Variants in TRPC4 observed in about 807,000 individuals in gnomAD.
TRPC4 encodes transient receptor potential cation channel subfamily C member 4.
Under a neutral mutation model 99.4 loss-of-function variants are expected in TRPC4, and 49 were observed. The ratio of observed to expected loss-of-function variants is 0.49; its 90% CI spans 0.39 to 0.63. The LOEUF (loss-of-function observed/expected upper bound fraction) is 0.63. Ranked by LOEUF, TRPC4 falls within the 20% of genes least tolerant of loss-of-function variation. TRPC4 has a pLI of 0.00. For synonymous variants in TRPC4, 454 were observed against 425.9 expected (o/e 1.07, Z -0.81); for missense variants, 898 against 1,152.9 (o/e 0.78, Z 3.20).
intron 1 of TRPC4, among the ~76,000 whole-genome samples, chr13:37,799,301 T>C (rs993746488): frequency 6.6e-6 from 1 of 152,184 alleles, no homozygotes; most frequent in Non-Finnish European, 1.5e-5. Flanking sequence ...GCAATGCATG[T>C]AGAGCCCAAC....
intron 1 of TRPC4, among the ~76,000 whole-genome samples, chr13:37,861,384 T>C (rs1021223437): frequency 4.0e-5 from 6 of 151,596 alleles, no homozygotes; most frequent in African/African-American, 1.4e-4. Context: ...CATTTTTTAA[T>C]TATATACAAT....
chr13:37,675,109 C>T (rs1281776176), intron 4 of TRPC4, among the ~76,000 whole-genome samples: 3 of 152,020 alleles, frequency 2.0e-5, no homozygotes, highest in Admixed American at 6.6e-5. Context: ...GATGTCATAA[C>T]TACATTAACA....
intron 1 of TRPC4, among the ~76,000 whole-genome samples, chr13:37,810,309 G>A (rs774891677): frequency 6.6e-6 from 1 of 151,870 alleles, no homozygotes; most frequent in Admixed American, 6.6e-5. Flanking sequence ...TTGAAGTTGT[G>A]TATTTTAATA....
At chr13:37,722,448 A>G (rs1954903328) in intron 3 of TRPC4, among the ~76,000 whole-genome samples, 1 of 152,244 alleles carries the variant, frequency 6.6e-6, no homozygotes, top group Non-Finnish European at 1.5e-5. Context: ...CTGACTCCGT[A>G]CTGGTAAACA....
At chr13:37,677,002 T>G (rs1429369812) in intron 4 of TRPC4, among the ~76,000 whole-genome samples, 1 of 151,862 alleles carries the variant, frequency 6.6e-6, no homozygotes, top group Admixed American at 6.6e-5. Flanking sequence ...ATTGACTGCC[T>G]AAGTAAAAAC....
intron 3 of TRPC4, among the ~76,000 whole-genome samples, chr13:37,721,593 C>T (rs1954871130): frequency 6.6e-6 from 1 of 152,014 alleles, no homozygotes; most frequent in Non-Finnish European, 1.5e-5. Flanking sequence ...ACATTGCAAA[C>T]CTTGTAATTT....
chr13:37,780,627 CT>C (rs1395266550), intron 2 of TRPC4, among the ~76,000 whole-genome samples: 5 of 152,024 alleles, frequency 3.3e-5, no homozygotes, highest in African/African-American at 7.2e-5. Context: ...AGATGTTGAC[CT>C]TCCTTAGGAA....
chr13:37,793,350 T>A (rs1957168569), intron 1 of TRPC4, among the ~76,000 whole-genome samples: 1 of 152,050 alleles, frequency 6.6e-6, no homozygotes, highest in Non-Finnish European at 1.5e-5. Context: ...GTTTGTTACA[T>A]ATATATACAT....
chr13:37,837,688 T>G (rs189358258), intron 1 of TRPC4, among the ~76,000 whole-genome samples: 1 of 152,204 alleles, frequency 6.6e-6, no homozygotes, highest in Non-Finnish European at 1.5e-5. Context: ...TGTCTTATCT[T>G]GGATGAGACT....
rs1232270459 is a variant in TRPC4 at position 37,790,025 on chromosome 13, G to T, written c.-27-6665C>A. ...TACAAAATTATAAAAAGGGATAGGAGAAAAACTTAGGAATAAGAAAACATT... is the reference window on the plus strand; with the variant it reads ...TACAAAATTATAAAAAGGGATAGGATAAAAACTTAGGAATAAGAAAACATT... On this transcript the variant is annotated intron_variant, in intron 1 of 10. Coordinates refer to ENST00000379705, the MANE Select transcript of TRPC4 (RefSeq NM_016179.4). 2.6e-5 allele frequency among the ~76,000 whole-genome samples: 4 copies of T among 151,982 alleles called. No individual in the cohort carries two copies. The East Asian group carries it at 5.8e-4, about 22-fold the overall frequency.
intron 7 of TRPC4, among the ~76,000 whole-genome samples, chr13:37,652,518 G>A (rs1952080987): frequency 6.6e-6 from 1 of 152,208 alleles, no homozygotes; most frequent in African/African-American, 2.4e-5. Flanking sequence ...CTAAGCAAAT[G>A]TTTGGTAATA....
At chr13:37,675,682 A>C (rs2138773456) in intron 4 of TRPC4, among the ~76,000 whole-genome samples, 1 of 152,288 alleles carries the variant, frequency 6.6e-6, no homozygotes, top group South Asian at 2.1e-4. Context: ...ATACCATTAG[A>C]GCAGGGACAG....
chr13:37,838,029 A>G (rs927586329), intron 1 of TRPC4, among the ~76,000 whole-genome samples: 2 of 152,132 alleles, frequency 1.3e-5, no homozygotes, highest in African/African-American at 2.4e-5. Flanking sequence ...TCCATGTAAG[A>G]CGTGACTTGT....
At chr13:37,689,787 A>T (rs899510610) in intron 4 of TRPC4, among the ~76,000 whole-genome samples, 2 of 152,198 alleles carry the variant, frequency 1.3e-5, no homozygotes, top group African/African-American at 4.8e-5. Context: ...TGGACCTCCT[A>T]TTTTTTAAAT....
intron 1 of TRPC4, among the ~76,000 whole-genome samples, chr13:37,832,172 A>C (rs7337639): frequency 0.32 from 48,553 of 152,044 alleles, 8,010 homozygotes; most frequent in East Asian, 0.43. Context: ...CATTATTTGT[A>C]AATTACAGTA....
At chr13:37,800,705 C>T (rs991950708) in intron 1 of TRPC4, among the ~76,000 whole-genome samples, 5 of 151,648 alleles carry the variant, frequency 3.3e-5, no homozygotes, top group African/African-American at 9.7e-5. Context: ...TTACCAATCA[C>T]CAATCATATG....
At chr13:37,712,010 C>T (rs1407826434) in intron 3 of TRPC4, among the ~76,000 whole-genome samples, 3 of 151,766 alleles carry the variant, frequency 2.0e-5, no homozygotes, top group Non-Finnish European at 4.4e-5. Flanking sequence ...GTGCATTTTA[C>T]GCTTTCAGCA....
At chr13:37,856,914 T>C (rs1005765407) in intron 1 of TRPC4, among the ~76,000 whole-genome samples, 24 of 151,570 alleles carry the variant, frequency 1.6e-4, no homozygotes, top group African/African-American at 5.8e-4. Context: ...AAAAGCAATA[T>C]ATGACAAACC....
At position 37,756,530 on chromosome 13, in the gene TRPC4, T is replaced by C. The variant is rs1057348457; in HGVS notation, c.379-10075A>G. On this transcript the variant is annotated intron_variant, in intron 2 of 10. Coordinates refer to ENST00000379705, the MANE Select transcript of TRPC4 (RefSeq NM_016179.4). Reference sequence around the variant, plus strand: ...ACTTTAAATACACTAATAGCTTTTTTTTTTCTTTTTTTTTTTTTCTGAGGT... The same window carrying C: ...ACTTTAAATACACTAATAGCTTTTTCTTTTCTTTTTTTTTTTTTCTGAGGT... 4.1e-4 allele frequency among the ~76,000 whole-genome samples: 54 copies of C among 132,072 alleles called. 4 individuals are homozygous for C. The highest frequency in any genetic ancestry group is 1.6e-5 in the Non-Finnish European group (1 of 61,192). 86.6% of individuals were successfully genotyped at this position (132,072 alleles called of 152,430 possible). A position where few individuals can be genotyped will look rare whatever the true frequency, so the allele number is the denominator to read the frequency against.
Sources: allele counts gnomAD v4.1 joint callset (sites outside exome capture counted in the v4.1 genomes callset), GRCh38; gene constraint gnomAD v4.1.1; transcripts MANE v1.5; gene names NCBI Gene and HGNC (gene_info 2026-07-23, HGNC 2026-07-21).